The following FSTL4 variants were observed in gnomAD, a reference collection of about 807,000 sequenced individuals.
The protein encoded by FSTL4 is follistatin like 4, also known as follistatin-related protein 4.
Under a neutral mutation model 78.2 loss-of-function variants are expected in FSTL4, and 28 were observed. That is an observed-to-expected ratio of 0.36 (90% CI 0.27 to 0.49). The LOEUF (loss-of-function observed/expected upper bound fraction) is 0.49, where lower values mean the gene tolerates loss of function less well. Among genes scored for constraint, FSTL4 ranks in the 20% least tolerant of loss-of-function variants. The pLI, the probability that FSTL4 is intolerant of heterozygous loss-of-function variation, is 0.98. For missense variants in FSTL4, 922 were observed against 1,084.9 expected (o/e 0.85, Z 2.11); for synonymous variants, 422 against 440.5 (o/e 0.96, Z 0.53).
intron 3 of FSTL4, among the ~76,000 whole-genome samples, chr5:133,431,707 A>T (rs568719968): frequency 1.3e-5 from 2 of 152,320 alleles, no homozygotes; most frequent in African/African-American, 4.8e-5. Flanking sequence ...CCTTATTCAC[A>T]CAATCATGAA....
the FSTL4 span, among the ~76,000 whole-genome samples, chr5:133,788,978 C>T: frequency 6.6e-6 from 1 of 152,196 alleles, no homozygotes; most frequent in African/African-American, 2.4e-5. Flanking sequence ...AGGCTGATTG[C>T]ACTGGGCACC....
At chr5:133,761,429 G>A in the FSTL4 span, among the ~76,000 whole-genome samples, 8 of 152,186 alleles carry the variant, frequency 5.3e-5, no homozygotes, top group African/African-American at 1.9e-4. Context: ...ATGAATGGCT[G>A]CTTCAAGGTT....
chr5:133,380,114 T>G (rs1755531612), intron 4 of FSTL4, among the ~76,000 whole-genome samples: 1 of 151,794 alleles, frequency 6.6e-6, no homozygotes, highest in African/African-American at 2.4e-5. Context: ...TAACCTAATC[T>G]TTCACCATAA....
chr5:133,580,545 G>A (rs892762801), intron 2 of FSTL4, among the ~76,000 whole-genome samples: 1 of 152,216 alleles, frequency 6.6e-6, no homozygotes, highest in African/African-American at 2.4e-5. Context: ...ATGCTAAGAA[G>A]TGCCACGGTG....
At chr5:133,513,392 G>GCA in intron 3 of FSTL4, among the ~76,000 whole-genome samples, 1 of 152,162 alleles carries the variant, frequency 6.6e-6, no homozygotes, top group Non-Finnish European at 1.5e-5. Flanking sequence ...AGGACAAGCA[G>GCA]GAATACATGA....
At chr5:133,546,611 A>C (rs1452750384) in intron 3 of FSTL4, among the ~76,000 whole-genome samples, 1 of 152,078 alleles carries the variant, frequency 6.6e-6, no homozygotes, top group Non-Finnish European at 1.5e-5. Flanking sequence ...TATAGACAGA[A>C]GGGATAAGCA....
At chr5:133,439,184 T>A (rs961295043) in intron 3 of FSTL4, among the ~76,000 whole-genome samples, 1 of 152,078 alleles carries the variant, frequency 6.6e-6, no homozygotes, top group African/African-American at 2.4e-5. Context: ...GAGGATGGGG[T>A]GGGGTGGACA....
At chr5:133,496,741 G>A (rs908753722) in intron 3 of FSTL4, among the ~76,000 whole-genome samples, 3 of 152,196 alleles carry the variant, frequency 2.0e-5, no homozygotes, top group Admixed American at 1.3e-4. Flanking sequence ...GACTGGGGCT[G>A]TCCCAGGAGG....
At chr5:133,292,564 A>AG (rs1753290680) in intron 6 of FSTL4, among the ~76,000 whole-genome samples, 1 of 151,710 alleles carries the variant, frequency 6.6e-6, no homozygotes, top group Non-Finnish European at 1.5e-5. Flanking sequence ...TCAAAAAAAA[A>AG]AAAAGAAAGT....
chr5:133,554,501 C>T (rs1759751126), intron 3 of FSTL4, among the ~76,000 whole-genome samples: 1 of 152,302 alleles, frequency 6.6e-6, no homozygotes, highest in Admixed American at 6.5e-5. Context: ...CAGGACTCTC[C>T]AAAGTGAAAT....
intron 3 of FSTL4, among the ~76,000 whole-genome samples, chr5:133,482,138 C>T (rs1758040064): frequency 6.6e-6 from 1 of 152,168 alleles, no homozygotes; most frequent in African/African-American, 2.4e-5. Flanking sequence ...AGTGGAATCC[C>T]AAGACTGTTG....
chr5:133,376,458 G>A (rs181386738), intron 4 of FSTL4, among the ~76,000 whole-genome samples: 20 of 152,136 alleles, frequency 1.3e-4, no homozygotes, highest in African/African-American at 4.6e-4. Context: ...ATTGGGTCCC[G>A]CTTTTAGAAT....
At chr5:133,659,804 C>T in the FSTL4 span, among the ~76,000 whole-genome samples, 2,853 of 151,916 alleles carry the variant, frequency 0.019, 42 homozygotes, top group African/African-American at 0.034. Context: ...AGAACTGTTT[C>T]CCCCCTATCA....
intron 3 of FSTL4, among the ~76,000 whole-genome samples, chr5:133,466,942 G>A (rs1453533236): frequency 2.7e-5 from 4 of 148,126 alleles, no homozygotes; most frequent in Non-Finnish European, 4.4e-5. Context: ...ATATGAGTGT[G>A]TGAGTACGAG....
At chr5:133,688,370 A>G in the FSTL4 span, among the ~76,000 whole-genome samples, 6 of 152,204 alleles carry the variant, frequency 3.9e-5, no homozygotes, top group Non-Finnish European at 8.8e-5. Context: ...CCGAGATCAC[A>G]CCATGGCACT....
the FSTL4 span, among the ~76,000 whole-genome samples, chr5:133,663,777 T>C: frequency 6.6e-6 from 1 of 152,228 alleles, no homozygotes; most frequent in African/African-American, 2.4e-5. Flanking sequence ...TGAGGCAACA[T>C]GGCAGCCAGG....
chr5:133,546,638 A>G (rs1759580707), intron 3 of FSTL4, among the ~76,000 whole-genome samples: 1 of 152,084 alleles, frequency 6.6e-6, no homozygotes, highest in African/African-American at 2.4e-5. Context: ...TAGAAGACAG[A>G]TCTTGAAGGT....
chr5:133,780,137 T>C, the FSTL4 span, among the ~76,000 whole-genome samples: 1 of 152,098 alleles, frequency 6.6e-6, no homozygotes, highest in Admixed American at 6.5e-5. Context: ...AATTCCCAGC[T>C]ACCTCCTGCT....
the FSTL4 span, chr5:133,721,038 TCTC>T: frequency 1.3e-5 from 2 of 152,158 alleles, no homozygotes; most frequent in African/African-American, 4.8e-5. Flanking sequence ...GAAACCAGCT[TCTC>T]CTCTCTGTGG....
Sources: allele counts gnomAD v4.1 joint callset (sites outside exome capture counted in the v4.1 genomes callset), GRCh38; gene constraint gnomAD v4.1.1; transcripts MANE v1.5; gene names NCBI Gene and HGNC (gene_info 2026-07-23, HGNC 2026-07-21).